DEPTOR: variants seen among roughly 807,000 people sequenced by gnomAD.
DEPTOR encodes the protein DEP domain containing MTOR interacting protein.
Under a neutral mutation model 41.6 loss-of-function variants are expected in DEPTOR, and 41 were observed. The observed-to-expected ratio is 0.98, with a 90% CI of 0.77 to 1.28. DEPTOR has a LOEUF of 1.28. DEPTOR is among the 50% of genes most tolerant of loss of function. The pLI, the probability that DEPTOR is intolerant of heterozygous loss-of-function variation, is 0.00. For synonymous variants in DEPTOR, 195 were observed against 192.3 expected (o/e 1.01, Z -0.12); for missense variants, 514 against 527.9 (o/e 0.97, Z 0.26).
intron 1 of DEPTOR, among the ~76,000 whole-genome samples, chr8:119,923,978 G>A (rs990776897): frequency 3.3e-5 from 5 of 149,458 alleles, no homozygotes; most frequent in African/African-American, 1.2e-4. Context: ...AATGCAGACA[G>A]TTTTGTCCAT....
chr8:119,953,309 G>A (rs544520379), intron 3 of DEPTOR, among the ~76,000 whole-genome samples: 6 of 152,074 alleles, frequency 3.9e-5, no homozygotes, highest in African/African-American at 1.2e-4. Context: ...GAGGCTGGGC[G>A]TGGTGGCTCA....
chr8:119,956,309 T>C (rs1419257974), intron 3 of DEPTOR, among the ~76,000 whole-genome samples: 2 of 152,058 alleles, frequency 1.3e-5, no homozygotes, highest in Non-Finnish European at 2.9e-5. Flanking sequence ...CATTAGTTGA[T>C]TATAAGGGGA....
chr8:119,987,614 G>C (rs1401863757), intron 4 of DEPTOR, among the ~76,000 whole-genome samples: 2 of 152,210 alleles, frequency 1.3e-5, no homozygotes, highest in Non-Finnish European at 2.9e-5. Flanking sequence ...GTTTAGGTCT[G>C]CTGAAGCGGC....
chr8:120,026,408 T>C (rs574219684), intron 8 of DEPTOR, among the ~76,000 whole-genome samples: 5 of 151,120 alleles, frequency 3.3e-5, no homozygotes, highest in African/African-American at 7.3e-5. Flanking sequence ...AATAGTGTGA[T>C]CTCGGCTTAC....
chr8:119,995,226 G>A (rs1253319148), intron 4 of DEPTOR, among the ~76,000 whole-genome samples: 1 of 152,148 alleles, frequency 6.6e-6, no homozygotes, highest in African/African-American at 2.4e-5. Flanking sequence ...TAGTAAATGT[G>A]GCAGAGCTAG....
intron 8 of DEPTOR, among the ~76,000 whole-genome samples, chr8:120,013,372 G>A (rs866259115): frequency 2.0e-5 from 3 of 152,042 alleles, no homozygotes; most frequent in Admixed American, 6.6e-5. Flanking sequence ...TTTTCTTACC[G>A]AAAATACTGA....
At chr8:119,908,140 G>A (rs1827689905) in intron 1 of DEPTOR, among the ~76,000 whole-genome samples, 1 of 152,184 alleles carries the variant, frequency 6.6e-6, no homozygotes, top group Admixed American at 6.5e-5. Flanking sequence ...CTTGAACAAT[G>A]AGATTTGATG....
At chr8:119,908,173 G>A (rs533600620) in intron 1 of DEPTOR, among the ~76,000 whole-genome samples, 2 of 152,316 alleles carry the variant, frequency 1.3e-5, no homozygotes, top group South Asian at 4.2e-4. Context: ...GCTGACATGT[G>A]TAGGTGCTGG....
intron 1 of DEPTOR, among the ~76,000 whole-genome samples, chr8:119,877,782 A>C (rs1563954356): frequency 6.6e-6 from 1 of 152,236 alleles, no homozygotes; most frequent in Non-Finnish European, 1.5e-5. Context: ...TTCCCACATA[A>C]GATTTGTGGT....
intron 1 of DEPTOR, among the ~76,000 whole-genome samples, chr8:119,884,082 T>C (rs1018239885): frequency 2.0e-5 from 3 of 152,168 alleles, no homozygotes; most frequent in Admixed American, 6.5e-5. Context: ...TAGAGTGAGA[T>C]GAAGTTTCTC....
chr8:120,009,198 T>G, intron 8 of DEPTOR, 65 bp downstream of exon 8: 4 of 1,388,022 alleles, frequency 2.9e-6, no homozygotes, highest in Non-Finnish European at 4.0e-6. Flanking sequence ...AAATTGGCCA[T>G]GATTCTTACT....
chr8:119,878,787 C>T (rs1276836989), intron 1 of DEPTOR, among the ~76,000 whole-genome samples: 1 of 152,046 alleles, frequency 6.6e-6, no homozygotes, highest in Non-Finnish European at 1.5e-5. Flanking sequence ...ACTTCCTTCT[C>T]CCAATGTATT....
At chr8:120,026,177 G>A (rs1055220233) in intron 8 of DEPTOR, among the ~76,000 whole-genome samples, 8 of 151,522 alleles carry the variant, frequency 5.3e-5, no homozygotes, top group Admixed American at 6.6e-5. Flanking sequence ...TAATATAGAC[G>A]GGGTTTCGCC....
chr8:120,030,521 T>TTTTTC (rs1451494138), intron 8 of DEPTOR, among the ~76,000 whole-genome samples: 3 of 136,828 alleles, frequency 2.2e-5, no homozygotes, highest in African/African-American at 5.2e-5. Flanking sequence ...TTTTTTTTTT[T>TTTTTC]TTTTAGCTGG....
At chr8:120,032,468 G>C (rs1812906996) in intron 8 of DEPTOR, among the ~76,000 whole-genome samples, 1 of 152,020 alleles carries the variant, frequency 6.6e-6, no homozygotes, top group South Asian at 2.1e-4. Flanking sequence ...TGATCTGTCT[G>C]CCTCTGCCTC....
At chr8:120,020,081 T>G (rs764763312) in intron 8 of DEPTOR, among the ~76,000 whole-genome samples, 5 of 152,126 alleles carry the variant, frequency 3.3e-5, no homozygotes, top group Admixed American at 1.3e-4. Flanking sequence ...TTTTTTTTGT[T>G]TGTTTTTTCT....
chr8:119,937,168 G>A (rs1002793525), intron 3 of DEPTOR, among the ~76,000 whole-genome samples: 3 of 152,130 alleles, frequency 2.0e-5, no homozygotes, highest in Admixed American at 6.6e-5. Context: ...TTGGGAGGCC[G>A]AGGCAGGCGG....
At chr8:120,038,580 G>C (rs1478165688) in intron 8 of DEPTOR, among the ~76,000 whole-genome samples, 1 of 137,724 alleles carries the variant, frequency 7.3e-6, no homozygotes, top group Non-Finnish European at 1.6e-5. Context: ...GTGACAAAGT[G>C]AGACCCTATC....
At chr8:119,962,134 G>A (rs1411155694) in intron 3 of DEPTOR, among the ~76,000 whole-genome samples, 1 of 150,866 alleles carries the variant, frequency 6.6e-6, no homozygotes, top group Non-Finnish European at 1.5e-5. Context: ...GTGCATGCCT[G>A]TAGTTCCAGC....
Sources: allele counts gnomAD v4.1 joint callset (sites outside exome capture counted in the v4.1 genomes callset), GRCh38; gene constraint gnomAD v4.1.1; transcripts MANE v1.5; gene names NCBI Gene and HGNC (gene_info 2026-07-23, HGNC 2026-07-21).